The following EPHA6 variants were observed in gnomAD, a reference collection of about 807,000 sequenced individuals.
The protein encoded by EPHA6 is EPH receptor A6, also known as ephrin type-A receptor 6.
In EPHA6, 50 loss-of-function variants were observed where a neutral mutation model predicts 112.0. The observed-to-expected ratio is 0.45, with a 90% CI of 0.36 to 0.56. The LOEUF (loss-of-function observed/expected upper bound fraction) is 0.56. EPHA6 is among the 20% of genes least tolerant of loss of function. EPHA6 has a pLI of 0.00. For synonymous variants in EPHA6, 529 were observed against 490.7 expected, an observed-to-expected ratio of 1.08 and a Z score of -1.03; for missense variants, 1,280 against 1,417.4, an observed-to-expected ratio of 0.90 and a Z score of 1.56.
intron 16 of EPHA6, among the ~76,000 whole-genome samples, chr3:97,737,828 A>G (rs1559638860): frequency 6.6e-6 from 1 of 152,208 alleles, no homozygotes; most frequent in South Asian, 2.1e-4. Flanking sequence ...AATAGTGGAA[A>G]GGATGAAACC....
In EPHA6 at chr3:97,161,932, G is replaced by A. The variant is rs568260557; in HGVS notation, c.1115-64332G>A. On this transcript the variant is annotated intron_variant, in intron 3 of 17. Transcript: ENST00000389672. ...GATGATGTATCTCTGCAGTAGGACA[G>A]TGAAGGTATATTGCTAGCTTTGCCA... is the stretch of plus-strand genomic sequence containing the variant. Among the ~76,000 whole-genome samples the A allele has an allele frequency of 3.3e-5, 5 of 152,328 alleles. No homozygotes were observed. The South Asian group carries it at 1.0e-3, about 32-fold the overall frequency.
intron 14 of EPHA6, among the ~76,000 whole-genome samples, chr3:97,646,541 CA>C (rs779351823): frequency 3.9e-4 from 60 of 152,144 alleles, no homozygotes; most frequent in Non-Finnish European, 7.5e-4. Flanking sequence ...GACCATATTT[CA>C]GGCACTATTC....
intron 4 of EPHA6, among the ~76,000 whole-genome samples, chr3:97,226,696 T>A (rs1428394505): frequency 6.6e-6 from 1 of 152,200 alleles, no homozygotes; most frequent in African/African-American, 2.4e-5. Flanking sequence ...CCATAATCTG[T>A]CCTTAGGAAA....
intron 2 of EPHA6, among the ~76,000 whole-genome samples, chr3:96,917,681 C>G (rs2039556870): frequency 6.6e-6 from 1 of 151,898 alleles, no homozygotes; most frequent in Non-Finnish European, 1.5e-5. Flanking sequence ...GACTTGGACC[C>G]CTAAAAGCAC....
intron 5 of EPHA6, among the ~76,000 whole-genome samples, chr3:97,375,653 GTAAA>G (rs1178965437): frequency 6.6e-6 from 1 of 152,086 alleles, no homozygotes; most frequent in Non-Finnish European, 1.5e-5. Context: ...TATATATCAT[GTAAA>G]TAAATAAAAC....
rs1315624460 is a variant in EPHA6, at chr3:97,434,870, C to T, written c.1732-13698C>T. Among the ~76,000 whole-genome samples, 5 of 151,868 alleles carry T rather than the reference C, an allele frequency of 3.3e-5. No individual in the cohort carries two copies. The South Asian group carries it at 6.2e-4, about 19-fold the overall frequency. ...CATCATACTCTTTCTCTCTCTCTCA[C>T]CTCTCTTTCTTGCCCTTCTTCCCAC... On this transcript the variant is annotated intron_variant, in intron 6 of 17. Coordinates refer to ENST00000389672, the MANE Select transcript of EPHA6 (RefSeq NM_001080448.3).
chr3:97,695,080 A>C (rs1361633538), intron 14 of EPHA6, among the ~76,000 whole-genome samples: 1 of 152,222 alleles, frequency 6.6e-6, no homozygotes, highest in East Asian at 1.9e-4. Context: ...GCAAAGGTAC[A>C]TGTGATGATG....
At chr3:97,219,147 G>T (rs1157899974) in intron 3 of EPHA6, among the ~76,000 whole-genome samples, 1 of 152,118 alleles carries the variant, frequency 6.6e-6, no homozygotes. Context: ...TTATGGGCTG[G>T]CATTGAGTGT....
At chr3:97,198,977 T>C (rs2077511337) in intron 3 of EPHA6, among the ~76,000 whole-genome samples, 1 of 152,062 alleles carries the variant, frequency 6.6e-6, no homozygotes. Context: ...CCCAAGTAAG[T>C]ATAGGGCTTT....
intron 6 of EPHA6, among the ~76,000 whole-genome samples, chr3:97,411,883 G>C (rs1246766199): frequency 3.3e-5 from 5 of 152,010 alleles, no homozygotes. Context: ...TAAACTCAGG[G>C]GGAGTCGCTT....
chr3:97,222,185 T>C (rs187252538), intron 3 of EPHA6, among the ~76,000 whole-genome samples: 1 of 152,288 alleles, frequency 6.6e-6, no homozygotes, highest in Non-Finnish European at 1.5e-5. Flanking sequence ...ACAATAGTTG[T>C]AATCTAATAT....
chr3:97,266,484 A>T lies in EPHA6; in HGVS notation c.1606+22197A>T, dbSNP rs1021311227. ...ATGATTTAAAGAGGATCTCATGTTT[A>T]AAAAAAAGAAAATAAAATCGGGCTT... On this transcript the variant is annotated intron_variant, in intron 5 of 17. Coordinates refer to ENST00000389672, the MANE Select transcript of EPHA6 (RefSeq NM_001080448.3). 2.6e-5 allele frequency among the ~76,000 whole-genome samples: 4 copies of T among 151,300 alleles called. No individual in the cohort carries two copies. The East Asian group carries it at 5.8e-4, about 22-fold the overall frequency.
At chr3:97,432,849 G>T (rs996732093) in intron 6 of EPHA6, among the ~76,000 whole-genome samples, 12 of 152,082 alleles carry the variant, frequency 7.9e-5, no homozygotes, top group Admixed American at 2.0e-4. Context: ...AACAGCATGT[G>T]GGAAACCACC....
At chr3:97,054,918 C>G (rs1422874031) in intron 3 of EPHA6, among the ~76,000 whole-genome samples, 1 of 151,892 alleles carries the variant, frequency 6.6e-6, no homozygotes, top group African/African-American at 2.4e-5. Flanking sequence ...TTCCATTGCC[C>G]TCTCTACCAT....
intron 2 of EPHA6, among the ~76,000 whole-genome samples, chr3:96,904,768 G>A (rs933373931): frequency 3.9e-5 from 6 of 152,088 alleles, no homozygotes; most frequent in African/African-American, 4.8e-5. Context: ...ATAGATATTC[G>A]TCACAATTTT....
chr3:97,124,469 A>AAAAGAAAGAAAGAAAG (rs35225817), intron 3 of EPHA6, among the ~76,000 whole-genome samples: 2,205 of 149,842 alleles, frequency 0.015, 33 homozygotes, highest in African/African-American at 0.029. Flanking sequence ...TCTGTTTAAA[A>AAAAGAAAGAAAGAAAG]AAAGAAAGAA....
chr3:97,509,341 G>T (rs973143449), intron 10 of EPHA6, among the ~76,000 whole-genome samples: 1 of 152,062 alleles, frequency 6.6e-6, no homozygotes, highest in Non-Finnish European at 1.5e-5. Flanking sequence ...TCCATTGCAT[G>T]TTTAGTGCTT....
intron 7 of EPHA6, among the ~76,000 whole-genome samples, chr3:97,468,969 G>T (rs2091144613): frequency 6.6e-6 from 1 of 151,588 alleles, no homozygotes; most frequent in African/African-American, 2.4e-5. Context: ...TAAGTTTTTG[G>T]CCAGGGTTTA....
chr3:96,840,057 C>G (rs1559763150), intron 1 of EPHA6, among the ~76,000 whole-genome samples: 1 of 152,030 alleles, frequency 6.6e-6, no homozygotes. Flanking sequence ...TTCAGAGGAA[C>G]ATGTGCTGGC....
Sources: allele counts gnomAD v4.1 joint callset (sites outside exome capture counted in the v4.1 genomes callset), GRCh38; gene constraint gnomAD v4.1.1; transcripts MANE v1.5; gene names NCBI Gene and HGNC (gene_info 2026-07-23, HGNC 2026-07-21).